Variants in COL21A1 observed in about 807,000 individuals in gnomAD.
COL21A1 encodes collagen type XXI alpha 1 chain, also known as collagen alpha-1(XXI) chain.
Under a neutral mutation model 137.9 loss-of-function variants are expected in COL21A1, and 149 were observed. That is an observed-to-expected ratio of 1.08 (90% CI 0.95 to 1.24). The LOEUF is 1.24. Ranked by LOEUF, COL21A1 falls within the 50% of genes most tolerant of loss-of-function variation. The pLI is 0.00. For missense variants in COL21A1, 1,167 were observed against 1,158.4 expected (o/e 1.01, Z -0.11); for synonymous variants, 456 against 391.5 (o/e 1.16, Z -1.95).
At chr6:56,157,471 C>A (rs142740671) in intron 9 of COL21A1, among the ~76,000 whole-genome samples, 11 of 152,038 alleles carry the variant, frequency 7.2e-5, no homozygotes, top group African/African-American at 2.7e-4. Flanking sequence ...CCACCATATT[C>A]AACTAATTTT....
intron 1 of COL21A1, among the ~76,000 whole-genome samples, chr6:56,216,850 C>T (rs1780517750): frequency 1.3e-5 from 2 of 152,004 alleles, no homozygotes; most frequent in African/African-American, 4.8e-5. Flanking sequence ...CTCAGTATCA[C>T]TTTTATTTCT....
intron 1 of COL21A1, among the ~76,000 whole-genome samples, chr6:56,287,980 G>A (rs1763954397): frequency 6.6e-6 from 1 of 152,076 alleles, no homozygotes; most frequent in African/African-American, 2.4e-5. Flanking sequence ...TTCTTCCCTA[G>A]GGCCACCAGA....
intron 12 of COL21A1, among the ~76,000 whole-genome samples, chr6:56,132,216 T>G (rs1211667253): frequency 1.3e-5 from 2 of 151,908 alleles, no homozygotes; most frequent in Non-Finnish European, 2.9e-5. Context: ...TATCAAAAAA[T>G]TCAAGATTGA....
At chr6:56,380,427 T>G (rs2094006926) in intron 1 of COL21A1, among the ~76,000 whole-genome samples, 1 of 152,240 alleles carries the variant, frequency 6.6e-6, no homozygotes, top group African/African-American at 2.4e-5. Context: ...GGTGGTCTTT[T>G]TCATATTGCT....
intron 1 of COL21A1, among the ~76,000 whole-genome samples, chr6:56,273,331 GA>G (rs1341002104): frequency 3.3e-5 from 5 of 150,952 alleles, no homozygotes; most frequent in Non-Finnish European, 7.4e-5. Flanking sequence ...ACAAGAACTA[GA>G]AAAAAAGAAC....
At chr6:56,349,410 T>C (rs1349023833) in intron 1 of COL21A1, among the ~76,000 whole-genome samples, 2 of 152,122 alleles carry the variant, frequency 1.3e-5, no homozygotes, top group Non-Finnish European at 2.9e-5. Context: ...AAAATAACTC[T>C]TAAAAAGCAA....
At chr6:56,305,307 T>C (rs1764416953) in intron 1 of COL21A1, among the ~76,000 whole-genome samples, 1 of 152,164 alleles carries the variant, frequency 6.6e-6, no homozygotes, top group South Asian at 2.1e-4. Context: ...TCTGTCTCGT[T>C]GATCTGTCTA....
At chr6:56,173,509 A>C (rs1156930900) in intron 3 of COL21A1, among the ~76,000 whole-genome samples, 1 of 152,202 alleles carries the variant, frequency 6.6e-6, no homozygotes, top group Admixed American at 6.5e-5. Context: ...ATAGGCTGTA[A>C]GTGAAAAAAT....
At chr6:56,111,319 G>A (rs1200551072) in intron 16 of COL21A1, among the ~76,000 whole-genome samples, 1 of 152,070 alleles carries the variant, frequency 6.6e-6, no homozygotes, top group Non-Finnish European at 1.5e-5. Flanking sequence ...GAAATAGGAA[G>A]GCATGACAAA....
At chr6:56,301,521 A>C (rs2152337398) in intron 1 of COL21A1, among the ~76,000 whole-genome samples, 1 of 152,298 alleles carries the variant, frequency 6.6e-6, no homozygotes, top group Admixed American at 6.5e-5. Context: ...AGTTTGTGAT[A>C]GTTTTTTAGA....
At chr6:56,081,678 A>G (rs1165645806) in intron 17 of COL21A1, among the ~76,000 whole-genome samples, 1 of 151,838 alleles carries the variant, frequency 6.6e-6, no homozygotes, top group Non-Finnish European at 1.5e-5. Context: ...ATATACAAGT[A>G]CTTGCAATAA....
At chr6:56,327,018 G>A (rs2152342920) in intron 1 of COL21A1, among the ~76,000 whole-genome samples, 1 of 152,118 alleles carries the variant, frequency 6.6e-6, no homozygotes, top group South Asian at 2.1e-4. Context: ...TATATCTTCA[G>A]AATGGACTTT....
intron 1 of COL21A1, among the ~76,000 whole-genome samples, chr6:56,287,966 A>C (rs1763954207): frequency 6.6e-6 from 1 of 152,140 alleles, no homozygotes; most frequent in African/African-American, 2.4e-5. Context: ...GGCAAGGACA[A>C]GGATTCTTCC....
chr6:56,292,311 T>C (rs941426946), intron 1 of COL21A1, among the ~76,000 whole-genome samples: 2 of 152,100 alleles, frequency 1.3e-5, no homozygotes, highest in East Asian at 3.8e-4. Context: ...TTTTTCTTGG[T>C]CCTTCCTTAA....
chr6:56,081,642 G>C (rs530733229), intron 17 of COL21A1, among the ~76,000 whole-genome samples: 1 of 151,646 alleles, frequency 6.6e-6, no homozygotes, highest in African/African-American at 2.4e-5. Flanking sequence ...ACTTACACTC[G>C]CAGTTGCCAG....
intron 16 of COL21A1, among the ~76,000 whole-genome samples, chr6:56,118,837 T>C (rs1772182055): frequency 6.6e-6 from 1 of 152,124 alleles, no homozygotes; most frequent in African/African-American, 2.4e-5. Flanking sequence ...CATATGATCA[T>C]TTCAATTGAT....
chr6:56,389,925 C>T (rs920186342), intron 1 of COL21A1, among the ~76,000 whole-genome samples: 11 of 152,116 alleles, frequency 7.2e-5, no homozygotes, highest in African/African-American at 2.4e-4. Context: ...ATAAGAAATG[C>T]TAAAGGGAGT....
At chr6:56,248,491 G>T (rs1018462372), upstream of COL21A1, among the ~76,000 whole-genome samples, 1 of 152,138 alleles carries the variant, frequency 6.6e-6, no homozygotes, top group African/African-American at 2.4e-5. Flanking sequence ...ATCACTTATT[G>T]CTATCTGAAG....
chr6:56,207,514 T>C (rs1044497717), intron 1 of COL21A1, among the ~76,000 whole-genome samples: 2 of 152,130 alleles, frequency 1.3e-5, no homozygotes, highest in Non-Finnish European at 2.9e-5. Context: ...AATAGACCAA[T>C]AATAAGTTCT....
Sources: gnomAD v4.1 joint callset for allele counts (sites outside exome capture counted in the v4.1 genomes callset) on GRCh38, gnomAD v4.1.1 for gene constraint, MANE v1.5 for transcripts, NCBI Gene and HGNC (gene_info 2026-07-23, HGNC 2026-07-21) for gene names.